The following LINC00305 variants were observed in gnomAD, a reference collection of about 807,000 sequenced individuals.
The protein encoded by LINC00305 is long independently transcribed non-coding RNA 305.
At chr18:64,137,560 T>A (rs780098834) in intron 1 of LINC00305, among the ~76,000 whole-genome samples, 4 of 152,244 alleles carry the variant, frequency 2.6e-5, no homozygotes, top group Non-Finnish European at 5.9e-5. Context: ...GCTCACGACT[T>A]GTTTCAAAAG....
At chr18:64,091,096 G>A (rs1306994811) in intron 3 of LINC00305, among the ~76,000 whole-genome samples, 1 of 152,154 alleles carries the variant, frequency 6.6e-6, no homozygotes, top group Admixed American at 6.6e-5. Context: ...ACTAATACAG[G>A]GAAATAAATG....
rs373668371 is a variant in LINC00305, at chr18:64,108,669, C to A, written n.315-10029G>T. 4.6e-5 allele frequency among the ~76,000 whole-genome samples: 7 copies of A among 152,168 alleles called. 1 individual carries two copies. Among genetic ancestry groups the A allele is most frequent in the Admixed American group, 2.0e-4 (3 of 15,286 alleles). On this transcript the variant is annotated intron_variant and non_coding_transcript_variant, in intron 1 of 3. Transcript: ENST00000666468. ...CCTTATCTGTGCTTACATATACAGC[C>A]CCTAGGGTGGAGGTCAAGAAAGTCA...
rs1309043938 is a variant in LINC00305 at position 64,143,547 on chromosome 18, ACATAT to A, written n.314+5223_314+5227del. Among the ~76,000 whole-genome samples the A allele has an allele frequency of 2.9e-3, 247 of 85,716 alleles. 12 individuals carry two copies. The highest frequency in any genetic ancestry group is 0.011 in the African/African-American group (233 of 20,576). 56.2% of individuals were successfully genotyped at this position (85,716 alleles called of 152,430 possible). A position where few individuals can be genotyped will look rare whatever the true frequency, so the allele number is the denominator to read the frequency against. Reference sequence around the variant, plus strand: ...ATATTATGTGTACATATATATGTACACATATTATGTGTACATATATACACATATGT... The same window carrying A: ...ATATTATGTGTACATATATATGTACATATGTGTACATATATACACATATGT... On this transcript the variant is annotated intron_variant and non_coding_transcript_variant, in intron 1 of 3. Coordinates refer to ENST00000666468, the Ensembl canonical transcript of LINC00305.
At chr18:64,080,814 G>A (rs138369225) in intron 3 of LINC00305, among the ~76,000 whole-genome samples, 40 of 152,238 alleles carry the variant, frequency 2.6e-4, no homozygotes, top group African/African-American at 8.7e-4. Flanking sequence ...GACTGTATAT[G>A]AAGATATTAA....
chr18:64,118,339 G>A (rs1286923398), intron 1 of LINC00305, among the ~76,000 whole-genome samples: 1 of 152,162 alleles, frequency 6.6e-6, no homozygotes, highest in Non-Finnish European at 1.5e-5. Flanking sequence ...AAGGCAACCA[G>A]TATTTAACTT....
chr18:64,122,484 C>T (rs528013990), intron 1 of LINC00305, among the ~76,000 whole-genome samples: 78 of 152,170 alleles, frequency 5.1e-4, no homozygotes, highest in African/African-American at 1.8e-3. Flanking sequence ...TGTCAAACAT[C>T]AGTTGGCTAT....
rs2051296174 is a variant in LINC00305 at position 64,107,498 on chromosome 18, AG to A, written n.315-8859del. On this transcript the variant is annotated intron_variant and non_coding_transcript_variant, in intron 1 of 3. Transcript: ENST00000666468. The stretch of plus-strand genomic sequence containing the variant: ...TGGAGTGATGATGGCTGCGTACAGA[AG>A]GCATTGGGATAGATGCGCACGGAGG... Among the ~76,000 whole-genome samples the A allele has an allele frequency of 2.0e-5, 3 of 152,236 alleles. No homozygotes were observed. In the South Asian group the frequency reaches 6.2e-4, roughly 32 times the overall value.
At chr18:64,146,185 C>T (rs1024378126) in intron 1 of LINC00305, among the ~76,000 whole-genome samples, 4 of 151,918 alleles carry the variant, frequency 2.6e-5, no homozygotes, top group African/African-American at 7.3e-5. Context: ...ATGGTTGGTG[C>T]CTGGATTAAG....
intron 1 of LINC00305, among the ~76,000 whole-genome samples, chr18:64,137,902 A>AC (rs1289870800): frequency 6.6e-6 from 1 of 151,328 alleles, no homozygotes; most frequent in Non-Finnish European, 1.5e-5. Context: ...TCTATGAACC[A>AC]CCCCCACCCT....
intron 1 of LINC00305, among the ~76,000 whole-genome samples, chr18:64,105,066 T>A (rs2051284376): frequency 6.6e-6 from 1 of 152,060 alleles, no homozygotes; most frequent in African/African-American, 2.4e-5. Context: ...TTGGGTGCTC[T>A]AAGACCTCAG....
intron 1 of LINC00305, among the ~76,000 whole-genome samples, chr18:64,146,161 G>A (rs925908987): frequency 6.6e-6 from 1 of 152,010 alleles, no homozygotes; most frequent in Non-Finnish European, 1.5e-5. Context: ...ATTATCTAGT[G>A]GTCGAAATAA....
chr18:64,132,138 A>G (rs1192827733), intron 1 of LINC00305, among the ~76,000 whole-genome samples: 3 of 152,252 alleles, frequency 2.0e-5, no homozygotes, highest in African/African-American at 7.2e-5. Flanking sequence ...TTACATAAAA[A>G]CTGAAGGAAG....
chr18:64,091,125 A>C (rs1412662256), intron 3 of LINC00305, among the ~76,000 whole-genome samples: 1 of 152,242 alleles, frequency 6.6e-6, no homozygotes, highest in East Asian at 1.9e-4. Context: ...ATAACATGCT[A>C]GTGTTCCCTG....
intron 1 of LINC00305, among the ~76,000 whole-genome samples, chr18:64,142,952 G>A (rs2051471339): frequency 6.6e-6 from 1 of 152,112 alleles, no homozygotes; most frequent in Non-Finnish European, 1.5e-5. Flanking sequence ...TGAAAAGTTA[G>A]AAACAGAATA....
intron 1 of LINC00305, among the ~76,000 whole-genome samples, chr18:64,143,753 GTA>G: frequency 1.4e-5 from 1 of 70,234 alleles, no homozygotes; most frequent in African/African-American, 5.5e-5. Context: ...ATGCGTACAT[GTA>G]TGTACACATA....
At chr18:64,093,780 AT>A (rs2144897063) in intron 3 of LINC00305, among the ~76,000 whole-genome samples, 1 of 152,344 alleles carries the variant, frequency 6.6e-6, no homozygotes, top group African/African-American at 2.4e-5. Context: ...AAGATAGAGC[AT>A]ATGTTGACCT....
intron 1 of LINC00305, among the ~76,000 whole-genome samples, chr18:64,120,192 A>G (rs2051355556): frequency 6.6e-6 from 1 of 152,190 alleles, no homozygotes; most frequent in Admixed American, 6.6e-5. Context: ...GATGTGGAGC[A>G]TAATTAGCAG....
intron 1 of LINC00305, among the ~76,000 whole-genome samples, chr18:64,144,424 A>C (rs138589683): frequency 2.0e-5 from 3 of 152,334 alleles, no homozygotes; most frequent in African/African-American, 7.2e-5. Flanking sequence ...GAACCTCCAC[A>C]AGAGAATGCA....
exon 4 of LINC00305, chr18:64,080,015 A>G (rs1427172058): frequency 6.3e-6 from 1 of 157,560 alleles, no homozygotes; most frequent in Non-Finnish European, 1.4e-5. Flanking sequence ...CAAGAAAGTT[A>G]AACAAATGTT....
Sources: allele counts gnomAD v4.1 joint callset (sites outside exome capture counted in the v4.1 genomes callset), GRCh38; gene constraint gnomAD v4.1.1; transcripts MANE v1.5; gene names NCBI Gene and HGNC (gene_info 2026-07-23, HGNC 2026-07-21).